The following ABTB3 variants were observed in gnomAD, a reference collection of about 807,000 sequenced individuals.
The protein encoded by ABTB3 is ankyrin repeat and BTB domain containing 3.
At chr12:107,492,852 G>C in the ABTB3 span, among the ~76,000 whole-genome samples, 3 of 152,148 alleles carry the variant, frequency 2.0e-5, no homozygotes, top group Non-Finnish European at 4.4e-5. Context: ...TTGTGCCCTT[G>C]AGCAGCCACT....
At chr12:107,396,185 T>C in the ABTB3 span, among the ~76,000 whole-genome samples, 6,947 of 152,280 alleles carry the variant, frequency 0.046, 217 homozygotes, top group African/African-American at 0.089. Flanking sequence ...CTCTCCACAT[T>C]GTCCTCTGCG....
the ABTB3 span, among the ~76,000 whole-genome samples, chr12:107,432,159 A>G: frequency 3.3e-5 from 5 of 152,292 alleles, no homozygotes; most frequent in South Asian, 1.0e-3. Flanking sequence ...TGGGTTTGGC[A>G]CAACACAGAG....
chr12:107,607,279 C>T, the ABTB3 span, among the ~76,000 whole-genome samples: 1 of 152,168 alleles, frequency 6.6e-6, no homozygotes, highest in African/African-American at 2.4e-5. Flanking sequence ...GAGCCATGTT[C>T]AAGGCCCCCA....
At chr12:107,320,375 T>C in the ABTB3 span, among the ~76,000 whole-genome samples, 1 of 152,332 alleles carries the variant, frequency 6.6e-6, no homozygotes, top group East Asian at 1.9e-4. Flanking sequence ...GCACCATTTT[T>C]TGGAGCAGGG....
At chr12:107,468,387 A>C in the ABTB3 span, among the ~76,000 whole-genome samples, 51 of 152,120 alleles carry the variant, frequency 3.4e-4, no homozygotes, top group Admixed American at 1.3e-3. Flanking sequence ...AAGAGTTTAA[A>C]GGCGCTCCAG....
At chr12:107,350,429 G>A in the ABTB3 span, among the ~76,000 whole-genome samples, 1 of 151,910 alleles carries the variant, frequency 6.6e-6, no homozygotes, top group East Asian at 1.9e-4. Context: ...GGGGGGCGCC[G>A]GTAGTCCCAG....
chr12:107,327,937 G>A, the ABTB3 span, among the ~76,000 whole-genome samples: 26 of 152,240 alleles, frequency 1.7e-4, no homozygotes, highest in East Asian at 9.6e-4. Flanking sequence ...CATAACTCCC[G>A]GAGATGTCTC....
At chr12:107,334,936 A>G in the ABTB3 span, among the ~76,000 whole-genome samples, 1 of 152,152 alleles carries the variant, frequency 6.6e-6, no homozygotes, top group African/African-American at 2.4e-5. Context: ...TGTACCCCCA[A>G]ACTCTGTGAG....
chr12:107,572,156 G>A, the ABTB3 span, among the ~76,000 whole-genome samples: 1 of 152,116 alleles, frequency 6.6e-6, no homozygotes, highest in Non-Finnish European at 1.5e-5. Flanking sequence ...ATCCTTATAA[G>A]AGAGAAGGAT....
chr12:107,421,124 G>T, the ABTB3 span, among the ~76,000 whole-genome samples: 1 of 152,104 alleles, frequency 6.6e-6, no homozygotes, highest in African/African-American at 2.4e-5. Context: ...GAAAAATTTT[G>T]TCTCCAAGAG....
the ABTB3 span, among the ~76,000 whole-genome samples, chr12:107,483,077 C>T: frequency 6.6e-6 from 1 of 151,270 alleles, no homozygotes; most frequent in Admixed American, 6.6e-5. Flanking sequence ...GGCTGGAGTA[C>T]AGTGATGTGA....
At chr12:107,408,905 A>T in the ABTB3 span, among the ~76,000 whole-genome samples, 3 of 152,220 alleles carry the variant, frequency 2.0e-5, no homozygotes, top group Non-Finnish European at 4.4e-5. Context: ...AAGACCCAGG[A>T]TCCTGTTCTC....
At chr12:107,640,152 C>T in the ABTB3 span, among the ~76,000 whole-genome samples, 1 of 152,180 alleles carries the variant, frequency 6.6e-6, no homozygotes, top group Non-Finnish European at 1.5e-5. Context: ...TTGACTGTTC[C>T]TCTGATTAGT....
At chr12:107,422,939 C>A in the ABTB3 span, among the ~76,000 whole-genome samples, 1 of 152,226 alleles carries the variant, frequency 6.6e-6, no homozygotes, top group Non-Finnish European at 1.5e-5. Flanking sequence ...TTATGGATAT[C>A]AATTGCCATG....
At chr12:107,537,300 G>C in the ABTB3 span, among the ~76,000 whole-genome samples, 1 of 152,262 alleles carries the variant, frequency 6.6e-6, no homozygotes, top group Non-Finnish European at 1.5e-5. Flanking sequence ...CAAGAACCAA[G>C]TTCTAATGTT....
the ABTB3 span, among the ~76,000 whole-genome samples, chr12:107,378,357 A>G: frequency 6.6e-6 from 1 of 152,138 alleles, no homozygotes; most frequent in Non-Finnish European, 1.5e-5. Context: ...ACAAATTGCT[A>G]TTAATTATTG....
the ABTB3 span, among the ~76,000 whole-genome samples, chr12:107,533,965 C>T: frequency 3.0e-3 from 455 of 152,178 alleles, 3 homozygotes; most frequent in African/African-American, 0.01. Context: ...AAGTCAATAA[C>T]GAGGAACTTT....
At chr12:107,471,411 G>C in the ABTB3 span, among the ~76,000 whole-genome samples, 2 of 152,164 alleles carry the variant, frequency 1.3e-5, no homozygotes, top group Non-Finnish European at 2.9e-5. Flanking sequence ...TTTTAGGATT[G>C]GGTACAGAAG....
chr12:107,348,697 C>G, the ABTB3 span, among the ~76,000 whole-genome samples: 1 of 152,136 alleles, frequency 6.6e-6, no homozygotes, highest in African/African-American at 2.4e-5. Flanking sequence ...TGCACTCCAG[C>G]CTGGGTGACA....
Sources: allele counts gnomAD v4.1 joint callset (sites outside exome capture counted in the v4.1 genomes callset), GRCh38; gene constraint gnomAD v4.1.1; transcripts MANE v1.5; gene names NCBI Gene and HGNC (gene_info 2026-07-23, HGNC 2026-07-21).